Variants in KLF12 observed in about 807,000 individuals in gnomAD.
The protein encoded by KLF12 is Krueppel-like factor 12.
KLF12 carries 9 observed loss-of-function variants against 37.8 expected under a neutral mutation model. The ratio of observed to expected loss-of-function variants is 0.24; its 90% CI spans 0.14 to 0.42. The LOEUF is 0.42. Ranked by LOEUF, KLF12 falls within the 10% of genes least tolerant of loss-of-function variation. KLF12 has a pLI of 1.00. For synonymous variants in KLF12, 208 were observed against 202.1 expected, an observed-to-expected ratio of 1.03 and a Z score of -0.25; for missense variants, 411 against 516.0, an observed-to-expected ratio of 0.80 and a Z score of 1.97.
At position 73,899,273 on chromosome 13, in the gene KLF12, A is replaced by G. The variant is rs145058416; in HGVS notation, c.123+44708T>C. On this transcript the variant is annotated intron_variant, in intron 3 of 7. Coordinates refer to ENST00000377669, the MANE Select transcript of KLF12 (RefSeq NM_007249.5). ...TAAGGCCACCAGCAGCAAGAACGAG[A>G]CCAAGCCGGACCAGACTATGAAGTG... Among the ~76,000 whole-genome samples, 12 of 152,286 alleles carry G rather than the reference A, an allele frequency of 7.9e-5. No individual in the cohort carries two copies. In the East Asian group the frequency reaches 2.3e-3, roughly 29 times the overall value.
At chr13:74,131,944 A>T (rs939893207) in intron 1 of KLF12, among the ~76,000 whole-genome samples, 3 of 152,186 alleles carry the variant, frequency 2.0e-5, no homozygotes, top group Non-Finnish European at 4.4e-5. Flanking sequence ...AACAATAAAG[A>T]TATAACTTAC....
At chr13:73,887,046 C>T (rs1297237307) in intron 3 of KLF12, among the ~76,000 whole-genome samples, 3 of 151,626 alleles carry the variant, frequency 2.0e-5, no homozygotes, top group East Asian at 3.9e-4. Context: ...GCATATCCAG[C>T]CAGAGCAAAA....
In KLF12 at chr13:73,735,058, C is replaced by G. The variant is rs542797308; in HGVS notation, c.870-19533G>C. ...ATCTCAGCATTTTGGGAGGCCAAGG[C>G]GGGAGGATCACTTGAGCCTAGTAGT... On this transcript the variant is annotated intron_variant, in intron 6 of 7. Coordinates refer to ENST00000377669, the MANE Select transcript of KLF12 (RefSeq NM_007249.5). Among the ~76,000 whole-genome samples, 6 of 145,060 alleles carry G rather than the reference C, an allele frequency of 4.1e-5. No individual in the cohort carries two copies. The East Asian group carries it at 1.1e-3, about 26-fold the overall frequency.
intron 1 of KLF12, among the ~76,000 whole-genome samples, chr13:74,072,857 G>C (rs1194908791): frequency 6.6e-6 from 1 of 152,192 alleles, no homozygotes; most frequent in Non-Finnish European, 1.5e-5. Context: ...TTGTCAAGAA[G>C]TAGCTAATAT....
chr13:73,960,818 T>C (rs1156252274), intron 2 of KLF12, among the ~76,000 whole-genome samples: 2 of 152,186 alleles, frequency 1.3e-5, no homozygotes, highest in East Asian at 1.9e-4. Flanking sequence ...CATCTGAGAA[T>C]GATATGTTTT....
intron 1 of KLF12, among the ~76,000 whole-genome samples, chr13:74,076,711 G>A (rs1327726011): frequency 2.0e-5 from 3 of 152,016 alleles, no homozygotes; most frequent in Non-Finnish European, 2.9e-5. Flanking sequence ...CTCATGTCAC[G>A]GGGGTTTGTT....
chr13:73,847,992 C>T (rs1204931346), intron 3 of KLF12, among the ~76,000 whole-genome samples: 1 of 152,072 alleles, frequency 6.6e-6, no homozygotes, highest in South Asian at 2.1e-4. Context: ...AAATTCTTTG[C>T]TTAGGTTGCT....
intron 1 of KLF12, among the ~76,000 whole-genome samples, chr13:74,099,870 A>G (rs1876216843): frequency 6.6e-6 from 1 of 152,244 alleles, no homozygotes; most frequent in Non-Finnish European, 1.5e-5. Flanking sequence ...TGAAAATAGA[A>G]ATACATACTA....
the KLF12 span, among the ~76,000 whole-genome samples, chr13:74,154,069 A>AT: frequency 1.6e-5 from 1 of 61,110 alleles, no homozygotes; most frequent in Admixed American, 2.3e-4. Context: ...CTAGTAAAAT[A>AT]CCAAAAAAAA....
chr13:74,180,899 A>G, the KLF12 span, among the ~76,000 whole-genome samples: 4 of 152,214 alleles, frequency 2.6e-5, no homozygotes, highest in African/African-American at 9.7e-5. Flanking sequence ...TATTAAGTAC[A>G]TTTAATTTTG....
At chr13:74,161,358 TG>T in the KLF12 span, among the ~76,000 whole-genome samples, 1 of 151,842 alleles carries the variant, frequency 6.6e-6, no homozygotes, top group Non-Finnish European at 1.5e-5. Context: ...GAATTTAGGG[TG>T]GGCCCTAAAT....
At chr13:74,016,718 G>A (rs1892695522) in intron 1 of KLF12, among the ~76,000 whole-genome samples, 1 of 152,086 alleles carries the variant, frequency 6.6e-6, no homozygotes, top group South Asian at 2.1e-4. Flanking sequence ...CAAACTGTTT[G>A]GCAGTGTCTA....
the KLF12 span, among the ~76,000 whole-genome samples, chr13:74,176,717 T>C: frequency 6.6e-6 from 1 of 152,194 alleles, no homozygotes; most frequent in South Asian, 2.1e-4. Flanking sequence ...TTTCCTTCCT[T>C]GTCCAATCTG....
chr13:74,291,262 T>A, the KLF12 span, among the ~76,000 whole-genome samples: 1 of 152,218 alleles, frequency 6.6e-6, no homozygotes, highest in Non-Finnish European at 1.5e-5. Context: ...CTACACTACC[T>A]TATAATGAAG....
the KLF12 span, among the ~76,000 whole-genome samples, chr13:74,148,491 C>A: frequency 2.1e-5 from 3 of 142,710 alleles, no homozygotes; most frequent in Non-Finnish European, 4.6e-5. Context: ...TCACTCCCCC[C>A]CCACCCCACC....
At chr13:73,791,398 T>C (rs1252887135) in intron 5 of KLF12, among the ~76,000 whole-genome samples, 2 of 152,236 alleles carry the variant, frequency 1.3e-5, no homozygotes, top group Non-Finnish European at 2.9e-5. Flanking sequence ...TGTCATTCTT[T>C]TTTTTTCCTG....
the KLF12 span, among the ~76,000 whole-genome samples, chr13:74,148,401 CTCT>C: frequency 1.0e-5 from 1 of 97,734 alleles, no homozygotes; most frequent in Non-Finnish European, 2.2e-5. Flanking sequence ...GCCAAAACTG[CTCT>C]TTTTTTTTTT....
chr13:73,918,850 T>C (rs1000056069), intron 3 of KLF12, among the ~76,000 whole-genome samples: 1 of 152,202 alleles, frequency 6.6e-6, no homozygotes, highest in African/African-American at 2.4e-5. Context: ...GCTATTAGAC[T>C]CTTTAATGTT....
the KLF12 span, among the ~76,000 whole-genome samples, chr13:74,182,579 C>T: frequency 6.6e-6 from 1 of 152,314 alleles, no homozygotes; most frequent in Admixed American, 6.5e-5. Context: ...CTGTCTTCAC[C>T]AGCTGCAGAG....
Sources: gnomAD v4.1 joint callset for allele counts (sites outside exome capture counted in the v4.1 genomes callset) on GRCh38, gnomAD v4.1.1 for gene constraint, MANE v1.5 for transcripts, NCBI Gene and HGNC (gene_info 2026-07-23, HGNC 2026-07-21) for gene names.